Variants in NR5A2 observed in about 807,000 individuals in gnomAD.
NR5A2 encodes the protein CYP7A promoter-binding factor.
A neutral mutation model predicts 62.7 loss-of-function variants in NR5A2; 26 were observed. That is an observed-to-expected ratio of 0.41 (90% CI 0.30 to 0.58). The LOEUF is 0.58. Among genes scored for constraint, NR5A2 ranks in the 20% least tolerant of loss-of-function variants. The pLI, the probability that NR5A2 is intolerant of heterozygous loss-of-function variation, is 0.22. For synonymous variants in NR5A2, 246 were observed against 241.7 expected, an observed-to-expected ratio of 1.02 and a Z score of -0.16; for missense variants, 541 against 669.1, an observed-to-expected ratio of 0.81 and a Z score of 2.11.
At chr1:200,074,374 T>C (rs1256679970) in intron 5 of NR5A2, among the ~76,000 whole-genome samples, 10 of 123,390 alleles carry the variant, frequency 8.1e-5, no homozygotes, top group African/African-American at 3.1e-4. Flanking sequence ...AAGACCAACA[T>C]AGCAAGACCC....
At chr1:200,109,400 T>C (rs1253897272) in intron 5 of NR5A2, among the ~76,000 whole-genome samples, 1 of 152,234 alleles carries the variant, frequency 6.6e-6, no homozygotes, top group African/African-American at 2.4e-5. Context: ...CAAAGGGCTT[T>C]CCCATCCATT....
At chr1:200,068,880 G>T (rs897662654) in intron 5 of NR5A2, among the ~76,000 whole-genome samples, 13 of 152,280 alleles carry the variant, frequency 8.5e-5, no homozygotes, top group Middle Eastern at 6.8e-3. Context: ...GGTAAAATAG[G>T]ATTTAAGTCT....
intron 7 of NR5A2, among the ~76,000 whole-genome samples, chr1:200,172,138 A>G (rs1021018800): frequency 3.3e-5 from 5 of 152,164 alleles, no homozygotes; most frequent in African/African-American, 7.2e-5. Context: ...CAAATTTTTA[A>G]TAGTCATGTT....
rs543097196 is a variant in NR5A2 at position 200,115,737 on chromosome 1, C to T, written c.1230+4416C>T. On this transcript the variant is annotated intron_variant, in intron 6 of 7. Coordinates refer to ENST00000367362, the MANE Select transcript of NR5A2 (RefSeq NM_205860.3). ...CCATTACACAGGGTCAGAGAAAGTG[C>T]GGGGAAATTTCAGAGGAGGAAGTGC... Among the ~76,000 whole-genome samples the T allele has an allele frequency of 2.5e-4, 38 of 151,994 alleles. No homozygotes were observed. In the South Asian group the frequency reaches 3.3e-3, roughly 13 times the overall value.
At chr1:200,136,271 T>C (rs921127743) in intron 7 of NR5A2, among the ~76,000 whole-genome samples, 1 of 151,690 alleles carries the variant, frequency 6.6e-6, no homozygotes, top group Non-Finnish European at 1.5e-5. Flanking sequence ...CAGGCTGGAG[T>C]GCAGTGGTGC....
intron 5 of NR5A2, among the ~76,000 whole-genome samples, chr1:200,085,336 TG>T (rs1664472525): frequency 6.6e-6 from 1 of 152,190 alleles, no homozygotes; most frequent in Non-Finnish European, 1.5e-5. Flanking sequence ...CCCCTGGTGC[TG>T]TATTTGATTG....
At position 200,028,068 on chromosome 1, in the gene NR5A2, C is replaced by T. The variant is rs540184752; in HGVS notation, c.64+157C>T. On this transcript the variant is annotated intron_variant, in intron 1 of 7. Coordinates refer to ENST00000367362, the MANE Select transcript of NR5A2 (RefSeq NM_205860.3). ...CTATGTATATATATCACACATTTAT[C>T]TTTCTTGCAGTTCAAAAAAAGCAAA... Among the ~76,000 whole-genome samples, 6 of 152,146 alleles carry T rather than the reference C, an allele frequency of 3.9e-5. No homozygotes were observed. The South Asian group carries it at 6.2e-4, about 16-fold the overall frequency.
At chr1:200,162,766 C>T (rs917301972) in intron 7 of NR5A2, among the ~76,000 whole-genome samples, 1 of 152,160 alleles carries the variant, frequency 6.6e-6, no homozygotes, top group African/African-American at 2.4e-5. Context: ...ATCTGGGTCT[C>T]AGGCTTGAAA....
rs1348712017 is a variant in NR5A2 at position 200,048,291 on chromosome 1, G to A, written c.583G>A (p.Ala195Thr). The change falls in exon 5 of 8, where the codon GCC becomes ACC. Residue 195 changes from alanine to threonine, a missense_variant. Around this residue, in one of 3 missense-constraint regions of NR5A2, gnomAD observed 379 missense variants for 442.0 expected, o/e 0.86. Coordinates refer to ENST00000367362, the MANE Select transcript of NR5A2 (RefSeq NM_205860.3). The surrounding 1 kb of genome is among the most constrained non-coding windows in gnomAD (Gnocchi z 4.8). ...CCGAGCCAATGGACTTAAGCTAGAA[G>A]CCATGTCTCAGGTGATCCAAGCTAT... ...LIRANGLKLE[A>T]MSQVIQAMPS... 14 of 1,613,940 alleles carry A rather than the reference G, an allele frequency of 8.7e-6. No individual in the cohort carries two copies. The highest frequency in any genetic ancestry group is 1.1e-5 in the Non-Finnish European group (13 of 1,180,036).
At chr1:200,055,952 T>C (rs1662892549) in intron 5 of NR5A2, among the ~76,000 whole-genome samples, 1 of 152,172 alleles carries the variant, frequency 6.6e-6, no homozygotes, top group South Asian at 2.1e-4. Context: ...AAGTGTTCTG[T>C]CTTTGTGAAT....
At chr1:200,113,867 A>G (rs1336263766) in intron 6 of NR5A2, among the ~76,000 whole-genome samples, 2 of 152,118 alleles carry the variant, frequency 1.3e-5, no homozygotes, top group African/African-American at 4.8e-5. Context: ...GCAATATGCT[A>G]GAGGAAAAGA....
At chr1:200,090,233 T>G (rs1022643200) in intron 5 of NR5A2, among the ~76,000 whole-genome samples, 2 of 152,254 alleles carry the variant, frequency 1.3e-5, no homozygotes, top group African/African-American at 4.8e-5. Context: ...GAAATTCATT[T>G]ATGATTATAT....
At chr1:200,055,069 A>AT (rs1479598376) in intron 5 of NR5A2, among the ~76,000 whole-genome samples, 3 of 151,246 alleles carry the variant, frequency 2.0e-5, no homozygotes, top group Non-Finnish European at 2.9e-5. Flanking sequence ...CTAATTTTTT[A>AT]TTTTTTGTGG....
intron 7 of NR5A2, among the ~76,000 whole-genome samples, chr1:200,163,470 G>A (rs1287087374): frequency 6.6e-6 from 1 of 151,136 alleles, no homozygotes; most frequent in Non-Finnish European, 1.5e-5. Context: ...GGGGGTGACG[G>A]GCAATTTTGT....
At position 200,147,951 on chromosome 1, in the gene NR5A2, C is replaced by A; in HGVS notation, c.1379-26012C>A. ...GCGCTTCGCCGGTGTTGGTGTTGCC[C>A]TGTGGTAGGCGATGCATCGGGCGGC... On this transcript the variant is annotated intron_variant, in intron 7 of 7. Transcript: ENST00000367362. The surrounding 1 kb of genome is among the most constrained non-coding windows in gnomAD (Gnocchi z 4.9). 3.0e-6 allele frequency: 1 copy of A among 337,060 alleles called. No homozygotes were observed. Among genetic ancestry groups the A allele is most frequent in the South Asian group, 4.0e-5 (1 of 25,130 alleles). 20.9% of individuals were successfully genotyped at this position (337,060 alleles called of 1,614,324 possible).
At chr1:200,125,805 G>A (rs184464613) in intron 7 of NR5A2, among the ~76,000 whole-genome samples, 47 of 152,222 alleles carry the variant, frequency 3.1e-4, no homozygotes, top group African/African-American at 1.1e-3. Context: ...TTTCAAAATG[G>A]ATGGGTAAGA....
rs186310938 is a variant in NR5A2, at chr1:200,048,102, T to G, written c.464-70T>G. 1.2e-5 allele frequency: 16 copies of G among 1,366,606 alleles called. No individual in the cohort carries two copies. In the Admixed American group the frequency reaches 2.7e-4, roughly 23 times the overall value. 84.7% of individuals were successfully genotyped at this position (1,366,606 alleles called of 1,614,324 possible). A position where few individuals can be genotyped will look rare whatever the true frequency, so the allele number is the denominator to read the frequency against. On this transcript the variant is annotated intron_variant, in intron 4 of 7. Coordinates refer to ENST00000367362, the MANE Select transcript of NR5A2 (RefSeq NM_205860.3). This position sits in a 1 kb window ranked among gnomAD's most constrained non-coding sequence, Gnocchi z 4.8. The stretch of plus-strand genomic sequence containing the variant: ...TCTTGTCGATTTACATTTCTAAATA[T>G]CTGAAGAATGCTAATAATTTGCACC...
intron 7 of NR5A2, among the ~76,000 whole-genome samples, chr1:200,136,096 C>A (rs1203521267): frequency 6.6e-6 from 1 of 152,146 alleles, no homozygotes; most frequent in Non-Finnish European, 1.5e-5. Flanking sequence ...AAGCCAAGGT[C>A]TAATAATAAA....
intron 4 of NR5A2, among the ~76,000 whole-genome samples, chr1:200,047,314 T>G (rs1413596921): frequency 1.3e-5 from 2 of 152,228 alleles, no homozygotes; most frequent in African/African-American, 4.8e-5. Context: ...TGATGTGGGC[T>G]CATCAAGTCC....
Sources: allele counts gnomAD v4.1 joint callset (sites outside exome capture counted in the v4.1 genomes callset), GRCh38; gene constraint gnomAD v4.1.1; regional missense constraint gnomAD v4.1.1; non-coding constraint Gnocchi (gnomAD v3.1); transcripts MANE v1.5; gene names NCBI Gene and HGNC (gene_info 2026-07-23, HGNC 2026-07-21).